ACACA: variants seen among roughly 807,000 people sequenced by gnomAD.
ACACA encodes acetyl-CoA carboxylase 1.
Under a neutral mutation model 296.1 loss-of-function variants are expected in ACACA, and 103 were observed. The observed-to-expected ratio is 0.35, with a 90% CI of 0.30 to 0.41. The LOEUF (loss-of-function observed/expected upper bound fraction) is 0.41. Among genes scored for constraint, ACACA ranks in the 10% least tolerant of loss-of-function variants. The pLI is 1.00. For missense variants in ACACA, 1,554 were observed against 2,989.7 expected, an observed-to-expected ratio of 0.52 and a Z score of 11.20; for synonymous variants, 953 against 1,038.6, an observed-to-expected ratio of 0.92 and a Z score of 1.58.
At chr17:37,225,628 G>C (rs2079511504) in intron 26 of ACACA, 1 of 176,700 alleles carries the variant, frequency 5.7e-6, no homozygotes, top group Non-Finnish European at 1.2e-5. Flanking sequence ...GAGAGTGAAA[G>C]CAGTGTCACA....
At chr17:37,189,293 C>T (rs118152735) in intron 38 of ACACA, among the ~76,000 whole-genome samples, 4,034 of 152,286 alleles carry the variant, frequency 0.026, 78 homozygotes, top group Non-Finnish European at 0.04. Flanking sequence ...CTTAATGTAT[C>T]CTTAAATGAA....
intron 24 of ACACA, among the ~76,000 whole-genome samples, chr17:37,237,033 TTA>T (rs1404973949): frequency 1.3e-5 from 2 of 152,212 alleles, no homozygotes; most frequent in African/African-American, 4.8e-5. Context: ...AAGCTGAATT[TTA>T]TGTTAATTAT....
chr17:37,357,764 T>G (rs72828228), intron 1 of ACACA, among the ~76,000 whole-genome samples: 120 of 152,284 alleles, frequency 7.9e-4, no homozygotes, highest in Non-Finnish European at 1.5e-3. Flanking sequence ...TAGGCCACAA[T>G]GCTTTTCTGA....
rs1218597393 is a variant in ACACA, at chr17:37,283,528, A to G, written c.472-123T>C. ...TGTAAAAGTCATACTTTCAACCAAG[A>G]ATTCTTGTTACTGGTCCAGACTGTT... is the stretch of plus-strand genomic sequence containing the variant. On this transcript the variant is annotated intron_variant, in intron 4 of 55. Coordinates refer to ENST00000616317, the MANE Select transcript of ACACA (RefSeq NM_198834.3). The G allele has an allele frequency of 3.2e-6, 4 of 1,243,640 alleles. No individual in the cohort carries two copies. In the African/African-American group the frequency reaches 4.5e-5, roughly 14 times the overall value. The allele number at this position is 1,243,640 out of a possible 1,614,324, so 77.0% of individuals were successfully genotyped here.
chr17:37,299,193 C>G, intron 3 of ACACA: 1 of 1,346,106 alleles, frequency 7.4e-7, no homozygotes, highest in South Asian at 1.4e-5. Flanking sequence ...AAAAAATGAT[C>G]AAATAAATCT....
chr17:37,138,321 T>G (rs1387140508), intron 45 of ACACA, among the ~76,000 whole-genome samples: 1 of 152,232 alleles, frequency 6.6e-6, no homozygotes, highest in African/African-American at 2.4e-5. Flanking sequence ...CATTTCCGCT[T>G]CTTTATCATA....
At chr17:37,174,016 ATATATTTT>A (rs1426607710) in intron 41 of ACACA, among the ~76,000 whole-genome samples, 24 of 15,010 alleles carry the variant, frequency 1.6e-3, no homozygotes, top group Non-Finnish European at 2.7e-3. Flanking sequence ...ATATATATAT[ATATATTTT>A]TTTTTTTTTT....
intron 3 of ACACA, among the ~76,000 whole-genome samples, chr17:37,325,255 A>G (rs1478439909): frequency 6.6e-6 from 1 of 151,504 alleles, no homozygotes; most frequent in Non-Finnish European, 1.5e-5. Context: ...AATCGCAGCT[A>G]CTTGGGAGGC....
chr17:37,381,512 A>G (rs2050256855), intron 1 of ACACA, among the ~76,000 whole-genome samples: 1 of 151,222 alleles, frequency 6.6e-6, no homozygotes. Flanking sequence ...ATTTAATAAT[A>G]TATCTTATAG....
intron 39 of ACACA, 22 bp from the exon 40 acceptor site, chr17:37,181,378 T>A: frequency 6.2e-7 from 1 of 1,613,750 alleles, no homozygotes; most frequent in Middle Eastern, 1.7e-4. Context: ...AAAAATGGCA[T>A]GGGGAGTTAA....
chr17:37,391,571 C>T, intron 1 of ACACA: 5 of 1,342,586 alleles, frequency 3.7e-6, no homozygotes, highest in Non-Finnish European at 5.3e-6. Flanking sequence ...TGTACTTAGC[C>T]AGCCCTTTTC....
In ACACA at chr17:37,106,937, C is replaced by T. The variant is rs961345583; in HGVS notation, c.6565+4594G>A. 2.5e-4 allele frequency among the ~76,000 whole-genome samples: 38 copies of T among 152,324 alleles called. No individual in the cohort carries two copies. In the Middle Eastern group the frequency reaches 0.01, roughly 41 times the overall value. On this transcript the variant is annotated intron_variant, in intron 52 of 55. Transcript: ENST00000616317. Reference sequence around the variant, plus strand: ...AGGATCAAACTAAAATGACCCCTTTCTCTTCTCAGAAAATTTTGTCACTAT... The same window carrying T: ...AGGATCAAACTAAAATGACCCCTTTTTCTTCTCAGAAAATTTTGTCACTAT...
chr17:37,274,439 G>C (rs193187579), intron 8 of ACACA, 140 bp from the exon 9 acceptor site: 2 of 1,027,818 alleles, frequency 1.9e-6, no homozygotes, highest in African/African-American at 1.6e-5. Context: ...ATAAAACCCT[G>C]ATCAGTCCTT....
intron 12 of ACACA, 21 bp from the exon 13 acceptor site, chr17:37,258,394 C>G: frequency 6.2e-7 from 1 of 1,613,014 alleles, no homozygotes; most frequent in South Asian, 1.1e-5. Flanking sequence ...ATAAAACACA[C>G]ATCTTTAATT....
At chr17:37,337,751 C>G (rs1180956383) in intron 2 of ACACA, among the ~76,000 whole-genome samples, 1 of 151,660 alleles carries the variant, frequency 6.6e-6, no homozygotes, top group Non-Finnish European at 1.5e-5. Context: ...CTGAGCCCAG[C>G]CTAACATTTT....
intron 29 of ACACA, among the ~76,000 whole-genome samples, chr17:37,212,417 A>G (rs72826189): frequency 0.012 from 1,873 of 152,124 alleles, 12 homozygotes; most frequent in Non-Finnish European, 0.018. Flanking sequence ...ATTATGCACC[A>G]TCTACACAGT....
rs190183857 is a variant in ACACA at position 37,295,001 on chromosome 17, G to C, written c.339-10031C>G. ...CTTTCCCATGCTTCCTGTTCCACTA[G>C]AGTGATAGCCATGAACTGTAATGAT... On this transcript the variant is annotated intron_variant, in intron 3 of 55. Transcript: ENST00000616317. 2.3e-3 allele frequency among the ~76,000 whole-genome samples: 350 copies of C among 152,342 alleles called. 2 individuals carry two copies. Among genetic ancestry groups the C allele is most frequent in the Non-Finnish European group, 3.8e-3 (256 of 68,038 alleles).
intron 24 of ACACA, among the ~76,000 whole-genome samples, chr17:37,240,010 G>A (rs2080312148): frequency 6.6e-6 from 1 of 152,184 alleles, no homozygotes; most frequent in African/African-American, 2.4e-5. Flanking sequence ...TTCAGAGAAA[G>A]CCAGGGATAA....
At chr17:37,326,602 G>A (rs900552540) in intron 3 of ACACA, among the ~76,000 whole-genome samples, 3 of 151,084 alleles carry the variant, frequency 2.0e-5, no homozygotes, top group East Asian at 2.0e-4. Context: ...AGGCTGAGGC[G>A]GGCAGATCAC....
Sources: gnomAD v4.1 joint callset for allele counts (sites outside exome capture counted in the v4.1 genomes callset) on GRCh38, gnomAD v4.1.1 for gene constraint, MANE v1.5 for transcripts, NCBI Gene and HGNC (gene_info 2026-07-23, HGNC 2026-07-21) for gene names.